ANO4: variants seen among roughly 807,000 people sequenced by gnomAD.
The protein encoded by ANO4 is anoctamin-4.
In ANO4, 69 loss-of-function variants were observed where a neutral mutation model predicts 141.9. The observed-to-expected ratio is 0.49, with a 90% confidence interval of 0.40 to 0.59. ANO4 has a LOEUF of 0.59. ANO4 is among the 20% of genes least tolerant of loss of function. The pLI is 0.00. For missense variants in ANO4, 894 were observed against 1,162.2 expected (o/e 0.77, Z 3.36); for synonymous variants, 350 against 394.3 (o/e 0.89, Z 1.33).
Position 101,116,752 on chromosome 12 carries a change from G to A in ANO4, c.2524G>A (p.Glu842Lys). The change falls in exon 25 of 28, where the codon GAA becomes AAA. Residue 842 changes from glutamate (E) to lysine (K), a missense_variant. Physicochemically the swap from Glu to Lys is moderately conservative, Grantham distance 56. Transcript: ENST00000392977. ...TGACTTTGAGAACCGATCTGAGCCT[G>A]AATCTGATGGCAGTGAGTTCTCGGG... is the stretch of plus-strand genomic sequence containing the variant. Reference protein sequence around the residue: ...ISDFENRSEPESDGSEFSGTP... With the variant: ...ISDFENRSEPKSDGSEFSGTP... 1 of 1,614,128 alleles carries A rather than the reference G, an allele frequency of 6.2e-7. No homozygotes were observed. Among genetic ancestry groups the A allele is most frequent in the Non-Finnish European group, 8.5e-7 (1 of 1,180,018 alleles).
intron 3 of ANO4, among the ~76,000 whole-genome samples, chr12:100,783,509 G>A (rs1479382201): frequency 6.6e-6 from 1 of 152,096 alleles, no homozygotes; most frequent in Non-Finnish European, 1.5e-5. Flanking sequence ...ATCACTTCCT[G>A]AAGCACAAAT....
chr12:100,838,104 A>G (rs1389340193), intron 1 of ANO4, among the ~76,000 whole-genome samples: 1 of 151,848 alleles, frequency 6.6e-6, no homozygotes, highest in Admixed American at 6.6e-5. Context: ...TAAGATGCAC[A>G]TGGCTGAGGC....
chr12:100,958,961 G>A (rs959676000), intron 5 of ANO4, among the ~76,000 whole-genome samples: 2 of 152,094 alleles, frequency 1.3e-5, no homozygotes, highest in Non-Finnish European at 2.9e-5. Flanking sequence ...TTTTAAATAG[G>A]GTGTTGGGTG....
intron 3 of ANO4, among the ~76,000 whole-genome samples, chr12:100,774,705 C>T (rs1348053166): frequency 1.4e-5 from 2 of 147,832 alleles, no homozygotes; most frequent in African/African-American, 2.4e-5. Flanking sequence ...GATGCTTAGT[C>T]AAAGACAAAC....
intron 1 of ANO4, among the ~76,000 whole-genome samples, chr12:100,839,517 A>G (rs939606255): frequency 1.3e-5 from 2 of 152,172 alleles, no homozygotes; most frequent in Admixed American, 1.3e-4. Context: ...AAAAAATTTT[A>G]AGTGATAAAG....
chr12:100,883,264 A>G (rs560502423), intron 1 of ANO4, among the ~76,000 whole-genome samples: 2 of 152,344 alleles, frequency 1.3e-5, no homozygotes, highest in South Asian at 2.1e-4. Flanking sequence ...CTTAGCACCT[A>G]TTGATCTAAG....
chr12:100,818,847 G>T (rs940057097), intron 1 of ANO4, among the ~76,000 whole-genome samples: 1 of 151,796 alleles, frequency 6.6e-6, no homozygotes, highest in Non-Finnish European at 1.5e-5. Context: ...CAGCACTACT[G>T]CTAAGATCCT....
At position 101,065,714 on chromosome 12, in the gene ANO4, C is replaced by G. The variant is rs983217015; in HGVS notation, c.1313-13479C>G. On this transcript the variant is annotated intron_variant, in intron 14 of 27. Coordinates refer to ENST00000392977, the MANE Select transcript of ANO4 (RefSeq NM_001286615.2). ...AGATCTAATAGCAATCCTACTTGAA[C>G]TGTTCTAAAAAATGGAAGAGGAGGG... 9.2e-5 allele frequency among the ~76,000 whole-genome samples: 14 copies of G among 152,242 alleles called. No individual in the cohort carries two copies. In the East Asian group the frequency reaches 2.7e-3, roughly 29 times the overall value.
chr12:100,864,415 T>C (rs7975306), intron 1 of ANO4, among the ~76,000 whole-genome samples: 16,488 of 152,210 alleles, frequency 0.11, 1,044 homozygotes, highest in South Asian at 0.18. Context: ...ATCCATGTAC[T>C]ACAAGCAATT....
chr12:100,736,005 G>A (rs2031592513), intron 2 of ANO4, among the ~76,000 whole-genome samples: 1 of 152,206 alleles, frequency 6.6e-6, no homozygotes, highest in African/African-American at 2.4e-5. Flanking sequence ...GAAGCACGGT[G>A]AGGGTAGAAA....
At position 101,040,741 on chromosome 12, in the gene ANO4, T is replaced by C. The variant is rs762023490; in HGVS notation, c.1019+665T>C. The stretch of plus-strand genomic sequence containing the variant: ...CCTACTTTAGGTATTTCTCCTAATG[T>C]TATCCCTCCCCTAGCCCCCCACCCC... On this transcript the variant is annotated intron_variant, in intron 11 of 27. Coordinates refer to ENST00000392977, the MANE Select transcript of ANO4 (RefSeq NM_001286615.2). Among the ~76,000 whole-genome samples the C allele has an allele frequency of 2.6e-5, 4 of 152,240 alleles. No individual in the cohort carries two copies. The Middle Eastern group carries it at 0.01, about 388-fold the overall frequency.
At chr12:100,909,304 A>C (rs1308182718) in intron 2 of ANO4, among the ~76,000 whole-genome samples, 1 of 152,158 alleles carries the variant, frequency 6.6e-6, no homozygotes, top group Non-Finnish European at 1.5e-5. Flanking sequence ...TTGGCTATGC[A>C]CCTTTCCTTT....
Position 100,729,360 on chromosome 12 carries a change from C to CAAAAAAAAAAA in ANO4, c.23-4394_23-4384dup, listed in dbSNP as rs1156522144. Among the ~76,000 whole-genome samples, 33 of 22,574 alleles carry CAAAAAAAAAAA rather than the reference C, an allele frequency of 1.5e-3. 3 individuals carry two copies. The highest frequency in any genetic ancestry group is 8.7e-3 in the East Asian group (4 of 462). 14.8% of individuals were successfully genotyped at this position (22,574 alleles called of 152,430 possible). On this transcript the variant is annotated intron_variant, in intron 1 of 29. Transcript: ENST00000644049. ...TAAAAGCAAGGGCAAAACTCTGTCT[C>CAAAAAAAAAAA]AAAAAAAAAAAAAAAAAAAAAAAAA...
intron 1 of ANO4, among the ~76,000 whole-genome samples, chr12:100,810,580 T>G (rs534611741): frequency 1.3e-5 from 2 of 151,386 alleles, no homozygotes; most frequent in East Asian, 3.9e-4. Context: ...GAAAGGGAGG[T>G]GATGATGGAC....
At chr12:100,717,861 C>T (rs543416627) in intron 1 of ANO4, among the ~76,000 whole-genome samples, 1 of 152,314 alleles carries the variant, frequency 6.6e-6, no homozygotes, top group South Asian at 2.1e-4. Context: ...AAGTCCTCCT[C>T]TAGCGGGGTG....
chr12:100,804,383 G>A (rs2034875497), intron 1 of ANO4, among the ~76,000 whole-genome samples: 1 of 152,116 alleles, frequency 6.6e-6, no homozygotes, highest in African/African-American at 2.4e-5. Context: ...CCATGTCTTT[G>A]CTATTGTGAA....
intron 1 of ANO4, among the ~76,000 whole-genome samples, chr12:100,898,332 A>G (rs1366671686): frequency 1.3e-5 from 2 of 152,004 alleles, no homozygotes; most frequent in East Asian, 3.9e-4. Context: ...TATATTTTCT[A>G]TCTTGCATAC....
At chr12:100,806,524 GTTTTTTTTTTTTTTTTTTTTTTTT>G (rs763949654) in intron 1 of ANO4, among the ~76,000 whole-genome samples, 10 of 59,882 alleles carry the variant, frequency 1.7e-4, no homozygotes, top group Admixed American at 1.0e-3. Flanking sequence ...TTTTTGTTTC[GTTTTTTTTTTTTTTTTTTTTTTTT>G]TTTTTTTTTT....
At chr12:101,045,670 G>T (rs1241521593) in intron 13 of ANO4, among the ~76,000 whole-genome samples, 1 of 152,160 alleles carries the variant, frequency 6.6e-6, no homozygotes, top group Non-Finnish European at 1.5e-5. Context: ...TAGTCAGAAA[G>T]TGATGTAATG....
Sources: gnomAD v4.1 joint callset for allele counts (sites outside exome capture counted in the v4.1 genomes callset) on GRCh38, gnomAD v4.1.1 for gene constraint, MANE v1.5 for transcripts, NCBI Gene and HGNC (gene_info 2026-07-23, HGNC 2026-07-21) for gene names.